RCC2: variants seen among roughly 807,000 people sequenced by gnomAD.
RCC2 encodes regulator of chromosome condensation 2.
In RCC2, 19 loss-of-function variants were observed where a neutral mutation model predicts 64.1. The ratio of observed to expected loss-of-function variants is 0.30; its 90% confidence interval spans 0.21 to 0.44. RCC2 has a LOEUF of 0.44. Among genes scored for constraint, RCC2 ranks in the 20% least tolerant of loss-of-function variants. The pLI, the probability that RCC2 is intolerant of heterozygous loss-of-function variation, is 1.00. For missense variants in RCC2, 508 were observed against 710.4 expected (o/e 0.72, Z 3.24); for synonymous variants, 325 against 279.6 (o/e 1.16, Z -1.62).
intron 2 of RCC2, among the ~76,000 whole-genome samples, chr1:17,431,362 AT>A (rs1314261381): frequency 0.018 from 794 of 44,750 alleles, 18 homozygotes; most frequent in Non-Finnish European, 0.021. Flanking sequence ...AAAAAAAAAT[AT>A]ATATATATAT....
intron 2 of RCC2, among the ~76,000 whole-genome samples, 157 bp downstream of exon 2, chr1:17,438,073 G>A (rs2100403696): frequency 6.8e-6 from 1 of 147,358 alleles, no homozygotes; most frequent in African/African-American, 2.4e-5. Flanking sequence ...GTTGCGCGGA[G>A]GCGGAGGCAA....
Position 17,420,696 on chromosome 1 carries a change from A to T in RCC2, c.859+18T>A, listed in dbSNP as rs753480467. The T allele has an allele frequency of 1.3e-6, 2 of 1,516,782 alleles. No individual in the cohort carries two copies. Among genetic ancestry groups the T allele is most frequent in the Admixed American group, 4.0e-5 (2 of 49,632 alleles). The allele number at this position is 1,516,782 out of a possible 1,614,324, so 94.0% of individuals were successfully genotyped here. ...ATACAGTTAGATTACAGAGCTTTTA[A>T]AAAATGTACTTCCATACCCAGCTGA... On this transcript the variant is annotated intron_variant, in intron 7 of 12. Coordinates refer to ENST00000375436, the MANE Select transcript of RCC2 (RefSeq NM_018715.4).
chr1:17,423,853 G>A (rs1042121403), intron 4 of RCC2, among the ~76,000 whole-genome samples: 3 of 152,230 alleles, frequency 2.0e-5, no homozygotes, highest in Non-Finnish European at 2.9e-5. Flanking sequence ...AGACAGCAGA[G>A]CCATTAAGAT....
intron 7 of RCC2, among the ~76,000 whole-genome samples, chr1:17,417,026 A>G (rs2075494626): frequency 6.6e-6 from 1 of 152,200 alleles, no homozygotes; most frequent in Admixed American, 6.5e-5. Context: ...GAAGCTGCTG[A>G]TCAAGGAATG....
chr1:17,414,538 A>C (rs1254964447), intron 8 of RCC2, among the ~76,000 whole-genome samples: 3 of 149,946 alleles, frequency 2.0e-5, no homozygotes, highest in Non-Finnish European at 4.4e-5. Context: ...TCAAAAAAAA[A>C]AAACAAAACG....
rs1292406058 is a variant in RCC2 at position 17,438,210 on chromosome 1, C to G, written c.285+20G>C. ...CGGCCCCGGCCCTGCGCCCACCCGT[C>G]TACCCTGACCCTCACTCACGACGCG... On this transcript the variant is annotated intron_variant, in intron 2 of 12. Transcript: ENST00000375436. The G allele has an allele frequency of 8.0e-7, 1 of 1,243,178 alleles. No individual in the cohort carries two copies. The highest frequency in any genetic ancestry group is 1.0e-6 in the Non-Finnish European group (1 of 978,724). The allele number at this position is 1,243,178 out of a possible 1,614,324, so 77.0% of individuals were successfully genotyped here.
rs2075375593 is a variant in RCC2, at chr1:17,407,547, C to A, written c.*1543G>T. 1 of 152,610 alleles carries A rather than the reference C, an allele frequency of 6.6e-6. No homozygotes were observed. Among genetic ancestry groups the A allele is most frequent in the Non-Finnish European group, 1.5e-5 (1 of 68,040 alleles). 9.5% of individuals were successfully genotyped at this position (152,610 alleles called of 1,614,324 possible). A position where few individuals can be genotyped will look rare whatever the true frequency, so the allele number is the denominator to read the frequency against. On this transcript the variant is annotated 3_prime_UTR_variant, in exon 13 of 13. Coordinates refer to ENST00000375436, the MANE Select transcript of RCC2 (RefSeq NM_018715.4). The stretch of plus-strand genomic sequence containing the variant: ...AGAGAGATGCAGGCCAGTCTCCTCC[C>A]ACAGGGCCTTGGGACTGGCAGGACA...
chr1:17,419,777 C>CTGCTGGGGACT (rs1557625669), intron 7 of RCC2, among the ~76,000 whole-genome samples: 52 of 152,116 alleles, frequency 3.4e-4, no homozygotes, highest in African/African-American at 1.3e-3. Flanking sequence ...GGAAGCGGAC[C>CTGCTGGGGACT]GCTGCTGGGC....
rs528626591 is a variant in RCC2, at chr1:17,430,974, T to A, written c.286-1775A>T. Among the ~76,000 whole-genome samples the A allele has an allele frequency of 4.0e-5, 6 of 151,766 alleles. No homozygotes were observed. The East Asian group carries it at 1.2e-3, about 30-fold the overall frequency. ...CGCAGGTGATCCACCCACCTTGGCC[T>A]CCCAAAGTGCCGATAAAATGCCAAT... On this transcript the variant is annotated intron_variant, in intron 2 of 12. Coordinates refer to ENST00000375436, the MANE Select transcript of RCC2 (RefSeq NM_018715.4).
chr1:17,414,577 A>G (rs2075461985), intron 8 of RCC2, among the ~76,000 whole-genome samples: 1 of 151,822 alleles, frequency 6.6e-6, no homozygotes, highest in African/African-American at 2.4e-5. Context: ...AACAAAAAAA[A>G]AACAGATTCA....
intron 1 of RCC2, among the ~76,000 whole-genome samples, chr1:17,438,946 C>T (rs1274067762): frequency 6.6e-6 from 1 of 152,164 alleles, no homozygotes; most frequent in Non-Finnish European, 1.5e-5. Context: ...TAAGGGAGCC[C>T]CTGCTCCCCG....
At chr1:17,438,130 T>A (rs1195249520) in intron 2 of RCC2, 100 bp downstream of exon 2, 1 of 905,780 alleles carries the variant, frequency 1.1e-6, no homozygotes, top group African/African-American at 1.8e-5. Flanking sequence ...GGAGGGAGCG[T>A]GACGCGAGGC....
intron 7 of RCC2, among the ~76,000 whole-genome samples, chr1:17,417,887 G>A (rs1387921656): frequency 6.6e-6 from 1 of 151,674 alleles, no homozygotes; most frequent in East Asian, 1.9e-4. Flanking sequence ...TCTGGGGGGA[G>A]GAGGAAACAA....
Position 17,426,844 on chromosome 1 carries a change from C to T in RCC2, c.380-1160G>A, listed in dbSNP as rs60387933. On this transcript the variant is annotated intron_variant, in intron 3 of 12. Coordinates refer to ENST00000375436, the MANE Select transcript of RCC2 (RefSeq NM_018715.4). ...GTGGCACAATCTCGGTTCACTGCAA[C>T]CTCTGCCTCCCAGGTTCAATTGATT... 2.0e-5 allele frequency among the ~76,000 whole-genome samples: 3 copies of T among 148,544 alleles called. No homozygotes were observed. In the South Asian group the frequency reaches 6.4e-4, roughly 32 times the overall value.
At chr1:17,425,984 C>A (rs1188452475) in intron 3 of RCC2, among the ~76,000 whole-genome samples, 1 of 152,218 alleles carries the variant, frequency 6.6e-6, no homozygotes, top group Non-Finnish European at 1.5e-5. Flanking sequence ...TCACAGGGCT[C>A]AGCCCCACGT....
intron 7 of RCC2, among the ~76,000 whole-genome samples, chr1:17,419,801 T>G (rs1439142633): frequency 6.6e-6 from 1 of 152,142 alleles, no homozygotes; most frequent in African/African-American, 2.4e-5. Flanking sequence ...GCAGCAGGGC[T>G]GTGGCCATGG....
At chr1:17,418,470 A>T (rs1160556983) in intron 7 of RCC2, among the ~76,000 whole-genome samples, 2 of 152,178 alleles carry the variant, frequency 1.3e-5, no homozygotes, top group East Asian at 3.9e-4. Context: ...CATCCTGGCC[A>T]ACATGGTGAA....
intron 9 of RCC2, 103 bp downstream of exon 9, chr1:17,413,434 A>G (rs2075448348): frequency 2.5e-6 from 3 of 1,223,318 alleles, no homozygotes; most frequent in Non-Finnish European, 3.6e-6. Context: ...AATAAAGAAC[A>G]CTGGGAGGTA....
At chr1:17,419,358 T>C (rs1379137186) in intron 7 of RCC2, among the ~76,000 whole-genome samples, 2 of 152,118 alleles carry the variant, frequency 1.3e-5, no homozygotes, top group Non-Finnish European at 2.9e-5. Context: ...GACTCCGTCT[T>C]TCTTATCTTG....
Sources: allele counts gnomAD v4.1 joint callset (sites outside exome capture counted in the v4.1 genomes callset), GRCh38; gene constraint gnomAD v4.1.1; transcripts MANE v1.5; gene names NCBI Gene and HGNC (gene_info 2026-07-23, HGNC 2026-07-21).